Variants in TYW1 observed in about 807,000 individuals in gnomAD.
The protein encoded by TYW1 is tRNA-yW synthesizing protein 1 homolog.
Under a neutral mutation model 96.2 loss-of-function variants are expected in TYW1, and 46 were observed. The observed-to-expected ratio is 0.48, with a 90% CI of 0.38 to 0.61. The LOEUF (loss-of-function observed/expected upper bound fraction) is 0.61. TYW1 is among the 20% of genes least tolerant of loss of function. TYW1 has a pLI of 0.00. For missense variants in TYW1, 684 were observed against 909.6 expected, an observed-to-expected ratio of 0.75 and a Z score of 3.19; for synonymous variants, 274 against 323.0, an observed-to-expected ratio of 0.85 and a Z score of 1.63.
At chr7:67,199,041 A>G (rs9886204) in intron 15 of TYW1, among the ~76,000 whole-genome samples, 38,100 of 151,774 alleles carry the variant, frequency 0.25, 4,971 homozygotes, top group African/African-American at 0.3. Flanking sequence ...ATTTAAAAAT[A>G]GAAAAATTTC....
At chr7:67,055,243 C>G (rs1329780086) in intron 8 of TYW1, among the ~76,000 whole-genome samples, 3 of 152,040 alleles carry the variant, frequency 2.0e-5, no homozygotes, top group Non-Finnish European at 4.4e-5. Flanking sequence ...CGAGTTTTTA[C>G]CTATGAGATC....
At chr7:67,163,868 C>T (rs1772833353) in intron 13 of TYW1, among the ~76,000 whole-genome samples, 2 of 152,044 alleles carry the variant, frequency 1.3e-5, no homozygotes, top group Non-Finnish European at 2.9e-5. Context: ...GGGGTTTCAC[C>T]ATGTTGGCCA....
chr7:67,162,559 G>T (rs569258834), intron 13 of TYW1, among the ~76,000 whole-genome samples: 3 of 152,252 alleles, frequency 2.0e-5, no homozygotes, highest in East Asian at 3.9e-4. Context: ...GTTTTGTGAA[G>T]CATAATTTGG....
At chr7:67,149,639 T>C (rs1259223750) in intron 13 of TYW1, among the ~76,000 whole-genome samples, 1 of 152,162 alleles carries the variant, frequency 6.6e-6, no homozygotes, top group Non-Finnish European at 1.5e-5. Flanking sequence ...TCTTAGAGTT[T>C]GTTAGCTTTT....
intron 9 of TYW1, among the ~76,000 whole-genome samples, chr7:67,058,829 T>A (rs911880169): frequency 4.6e-5 from 7 of 152,064 alleles, no homozygotes; most frequent in African/African-American, 1.7e-4. Context: ...TTGAATCAAT[T>A]TTTATGAATG....
intron 15 of TYW1, among the ~76,000 whole-genome samples, chr7:67,212,728 G>A (rs1440444423): frequency 6.6e-6 from 1 of 151,602 alleles, no homozygotes; most frequent in African/African-American, 2.4e-5. Context: ...GTGGCATATT[G>A]CTGTTGCTTT....
Position 67,230,652 on chromosome 7 carries a change from C to CTTTTTTTTTTTTT in TYW1, c.1978-7650_1978-7638dup, listed in dbSNP as rs34585182. On this transcript the variant is annotated intron_variant, in intron 15 of 15. Transcript: ENST00000359626. The stretch of plus-strand genomic sequence containing the variant: ...CAACCCACCATTTTGCTTATTATCT[C>CTTTTTTTTTTTTT]TTTTTTTTTTTTTTTTTTGAGGCGG... 1.1e-3 allele frequency among the ~76,000 whole-genome samples: 136 copies of CTTTTTTTTTTTTT among 119,504 alleles called. 4 individuals are homozygous for CTTTTTTTTTTTTT. The highest frequency in any genetic ancestry group is 1.8e-3 in the Non-Finnish European group (108 of 59,396). 78.4% of individuals were successfully genotyped at this position (119,504 alleles called of 152,430 possible). A position where few individuals can be genotyped will look rare whatever the true frequency, so the allele number is the denominator to read the frequency against.
intron 13 of TYW1, among the ~76,000 whole-genome samples, chr7:67,163,730 G>A (rs1351786148): frequency 2.0e-5 from 3 of 150,946 alleles, no homozygotes; most frequent in Non-Finnish European, 4.4e-5. Context: ...GTGCAGTGGT[G>A]TGATCTCAGC....
In TYW1 at chr7:67,054,544, A is replaced by G. The variant is rs186700541; in HGVS notation, c.1103-1291A>G. 2.0e-5 allele frequency among the ~76,000 whole-genome samples: 3 copies of G among 146,806 alleles called. No homozygotes were observed. In the East Asian group the frequency reaches 5.8e-4, roughly 28 times the overall value. ...ATATGCAAGATGTTTACATAAATAC[A>G]GAAGAGGATACAAGACAAAGCCCTG... On this transcript the variant is annotated intron_variant, in intron 8 of 15. Transcript: ENST00000359626.
chr7:67,078,580 A>G (rs1490115752), intron 10 of TYW1, among the ~76,000 whole-genome samples: 2 of 152,206 alleles, frequency 1.3e-5, no homozygotes, highest in Admixed American at 1.3e-4. Flanking sequence ...TTTGGGTGGT[A>G]TGATAACTTT....
chr7:67,079,477 A>ATTTATTTGGATCTTTTT, intron 10 of TYW1, among the ~76,000 whole-genome samples: 1 of 140,632 alleles, frequency 7.1e-6, no homozygotes, highest in Non-Finnish European at 1.6e-5. Flanking sequence ...TTCTGATTAT[A>ATTTATTTGGATCTTTTT]TTTATTTGGA....
chr7:67,227,016 G>T (rs1328211596), intron 15 of TYW1, among the ~76,000 whole-genome samples: 1 of 152,176 alleles, frequency 6.6e-6, no homozygotes, highest in East Asian at 1.9e-4. Flanking sequence ...GTGTAGAAAT[G>T]AAAATAATAT....
rs544817377 is a variant in TYW1 at position 67,072,539 on chromosome 7, G to A, written c.1274+5136G>A. 3.0e-4 allele frequency among the ~76,000 whole-genome samples: 45 copies of A among 151,546 alleles called. 1 individual carries two copies. Among genetic ancestry groups the A allele is most frequent in the South Asian group, 2.9e-3 (14 of 4,790 alleles). ...TGAGATTACAGGAGTGAGCCACCGC[G>A]CCTGACCCCTCTCTACCCACTTTTA... On this transcript the variant is annotated intron_variant, in intron 10 of 15. Transcript: ENST00000359626.
chr7:67,097,422 G>A (rs1419492982), intron 11 of TYW1, among the ~76,000 whole-genome samples: 4 of 152,166 alleles, frequency 2.6e-5, no homozygotes, highest in Admixed American at 6.6e-5. Flanking sequence ...TTTTGGAGAC[G>A]GAGTCTCACT....
chr7:67,073,790 A>G (rs953187817), intron 10 of TYW1, among the ~76,000 whole-genome samples: 1 of 142,434 alleles, frequency 7.0e-6, no homozygotes, highest in Admixed American at 7.2e-5. Context: ...AAAAAAAAAA[A>G]AAAGAAATAT....
At chr7:66,998,412 T>C (rs1793267788) in intron 2 of TYW1, among the ~76,000 whole-genome samples, 1 of 152,224 alleles carries the variant, frequency 6.6e-6, no homozygotes, top group South Asian at 2.1e-4. Flanking sequence ...ATTTTTAAGA[T>C]ACAGGAAGAT....
chr7:67,188,463 A>G (rs1197901747), intron 14 of TYW1, among the ~76,000 whole-genome samples: 2 of 152,288 alleles, frequency 1.3e-5, no homozygotes, highest in South Asian at 2.1e-4. Flanking sequence ...TATGAAAACC[A>G]TACGTTTGGG....
At chr7:67,159,667 C>T (rs1487268272) in intron 13 of TYW1, among the ~76,000 whole-genome samples, 2 of 152,014 alleles carry the variant, frequency 1.3e-5, no homozygotes, top group Non-Finnish European at 2.9e-5. Context: ...TCAATATAGT[C>T]TTTTATTTTG....
In TYW1 at chr7:67,044,675, G is replaced by A. The variant is rs138340420; in HGVS notation, c.985-5274G>A. ...GAGTCTGTTGCCCAGGCTGGAGTGC[G>A]GTGGCACCATCTCGGCTCACTGCAA... On this transcript the variant is annotated intron_variant, in intron 7 of 15. Transcript: ENST00000359626. Among the ~76,000 whole-genome samples, 455 of 151,908 alleles carry A rather than the reference G, an allele frequency of 3.0e-3. 1 individual carries two copies. The highest frequency in any genetic ancestry group is 0.01 in the African/African-American group (434 of 41,440).
Sources: allele counts gnomAD v4.1 joint callset (sites outside exome capture counted in the v4.1 genomes callset), GRCh38; gene constraint gnomAD v4.1.1; transcripts MANE v1.5; gene names NCBI Gene and HGNC (gene_info 2026-07-23, HGNC 2026-07-21).